The following PCSK5 variants were observed in gnomAD, a reference collection of about 807,000 sequenced individuals.
The protein encoded by PCSK5 is proprotein convertase subtilisin/kexin type 5.
Under a neutral mutation model 233.2 loss-of-function variants are expected in PCSK5, and 129 were observed. The observed-to-expected ratio is 0.55, with a 90% confidence interval of 0.48 to 0.64. The LOEUF (loss-of-function observed/expected upper bound fraction) is 0.64, where lower values mean the gene tolerates loss of function less well. Among genes scored for constraint, PCSK5 ranks in the 30% least tolerant of loss-of-function variants. PCSK5 has a pLI of 0.00. For missense variants in PCSK5, 2,076 were observed against 2,430.1 expected (o/e 0.85, Z 3.06); for synonymous variants, 825 against 879.2 (o/e 0.94, Z 1.09).
intron 2 of PCSK5, among the ~76,000 whole-genome samples, chr9:75,950,328 A>G (rs1174651676): frequency 1.3e-5 from 2 of 152,112 alleles, no homozygotes; most frequent in Admixed American, 1.3e-4. Flanking sequence ...CAACAGAGAA[A>G]CCAAAAAGAC....
intron 7 of PCSK5, among the ~76,000 whole-genome samples, chr9:76,090,879 T>G (rs908479740): frequency 6.6e-6 from 1 of 152,076 alleles, no homozygotes. Flanking sequence ...AATGGTCCCA[T>G]CTGGGGGTGA....
At chr9:76,113,380 C>T (rs1163138828) in intron 9 of PCSK5, among the ~76,000 whole-genome samples, 1 of 152,172 alleles carries the variant, frequency 6.6e-6, no homozygotes, top group East Asian at 1.9e-4. Flanking sequence ...ATTAAACTGA[C>T]CATCTGCATT....
chr9:75,933,363 T>A (rs891025018), intron 2 of PCSK5, among the ~76,000 whole-genome samples: 2 of 152,124 alleles, frequency 1.3e-5, no homozygotes, highest in Admixed American at 1.3e-4. Flanking sequence ...GGGCTCCCTG[T>A]GTATTATTGA....
intron 37 of PCSK5, among the ~76,000 whole-genome samples, chr9:76,356,461 A>G (rs186252690): frequency 4.6e-5 from 7 of 152,340 alleles, no homozygotes; most frequent in Middle Eastern, 6.8e-3. Context: ...ATGGCACCCT[A>G]GTAATTCAAA....
intron 5 of PCSK5, among the ~76,000 whole-genome samples, chr9:76,048,072 T>G (rs1173918671): frequency 6.6e-6 from 1 of 152,186 alleles, no homozygotes; most frequent in Non-Finnish European, 1.5e-5. Context: ...TTTCTTCCAT[T>G]TTTACTGATC....
chr9:75,936,164 T>A (rs549132182), intron 2 of PCSK5, among the ~76,000 whole-genome samples: 1 of 152,352 alleles, frequency 6.6e-6, no homozygotes, highest in Middle Eastern at 3.4e-3. Context: ...CATCTGAGCC[T>A]TCAGTGAGCC....
chr9:76,297,446 TGAG>T (rs1429081771), intron 27 of PCSK5, among the ~76,000 whole-genome samples: 2 of 152,264 alleles, frequency 1.3e-5, no homozygotes, highest in South Asian at 2.1e-4. Context: ...GTGAAGCTTC[TGAG>T]GAGGGAGGAG....
intron 7 of PCSK5, among the ~76,000 whole-genome samples, chr9:76,091,674 G>A (rs561201170): frequency 5.3e-5 from 8 of 152,190 alleles, no homozygotes; most frequent in African/African-American, 1.2e-4. Context: ...AATGTAAGAC[G>A]AGGAGATTGG....
At chr9:76,070,325 A>G (rs1830441551) in intron 6 of PCSK5, among the ~76,000 whole-genome samples, 2 of 152,198 alleles carry the variant, frequency 1.3e-5, no homozygotes, top group Non-Finnish European at 2.9e-5. Flanking sequence ...GAACTTGTTC[A>G]CAGCTTTCAT....
intron 27 of PCSK5, among the ~76,000 whole-genome samples, chr9:76,300,385 A>G (rs1446460531): frequency 6.6e-6 from 1 of 152,242 alleles, no homozygotes; most frequent in Non-Finnish European, 1.5e-5. Flanking sequence ...TGGGTAAGTA[A>G]TTAACTGTTT....
chr9:76,109,712 G>A (rs918440674), intron 9 of PCSK5, among the ~76,000 whole-genome samples: 8 of 152,110 alleles, frequency 5.3e-5, no homozygotes, highest in Admixed American at 1.3e-4. Context: ...TAATTGTGGG[G>A]CCAAAATGGA....
intron 9 of PCSK5, among the ~76,000 whole-genome samples, chr9:76,118,596 G>A (rs934035286): frequency 7.4e-5 from 11 of 148,106 alleles, no homozygotes; most frequent in Non-Finnish European, 2.9e-5. Context: ...ACCAGGAAGA[G>A]CAATCCCATG....
At position 76,332,463 on chromosome 9, in the gene PCSK5, G is replaced by T. The variant is rs1432340138; in HGVS notation, c.4601G>T (p.Gly1534Val). 2 of 1,612,688 alleles carry T rather than the reference G, an allele frequency of 1.2e-6. No individual in the cohort carries two copies. Among genetic ancestry groups the T allele is most frequent in the East Asian group, 2.2e-5 (1 of 44,872 alleles). Reference protein sequence around the residue: ...NTTCVKDCPEGYYADEDSNRC... With the variant: ...NTTCVKDCPEVYYADEDSNRC... Reference sequence around the variant, plus strand: ...ACCTGTGTGAAGGACTGCCCAGAGGGCTATTATGCCGATGAGGACAGCAAC... The same window carrying T: ...ACCTGTGTGAAGGACTGCCCAGAGGTCTATTATGCCGATGAGGACAGCAAC... The change falls in exon 34 of 38, where the codon GGC (glycine) becomes GTC (valine). Residue 1534 changes from glycine to valine, a missense_variant. Gly to Val is a moderately radical substitution (Grantham distance 109, BLOSUM62 -3). Coordinates refer to ENST00000674117, the MANE Select transcript of PCSK5 (RefSeq NM_001372043.1).
chr9:76,258,944 A>G (rs1167128231), intron 24 of PCSK5, among the ~76,000 whole-genome samples: 1 of 152,192 alleles, frequency 6.6e-6, no homozygotes, highest in East Asian at 1.9e-4. Context: ...CAACTGTCAC[A>G]TCATGTGCCC....
intron 20 of PCSK5, among the ~76,000 whole-genome samples, chr9:76,201,288 A>G (rs1204403222): frequency 6.6e-6 from 1 of 152,196 alleles, no homozygotes; most frequent in African/African-American, 2.4e-5. Context: ...CTAACAATGA[A>G]AACAGTAACC....
At chr9:75,946,410 T>TA (rs1824570457) in intron 2 of PCSK5, among the ~76,000 whole-genome samples, 1 of 152,202 alleles carries the variant, frequency 6.6e-6, no homozygotes, top group Non-Finnish European at 1.5e-5. Context: ...ATTTCACTTG[T>TA]AAAATCACGG....
intron 12 of PCSK5, among the ~76,000 whole-genome samples, chr9:76,161,128 C>CTTTCAAAT (rs1413601024): frequency 6.6e-6 from 1 of 152,202 alleles, no homozygotes; most frequent in Non-Finnish European, 1.5e-5. Flanking sequence ...TTGCTGTGTT[C>CTTTCAAAT]TTTCAAATCT....
At chr9:76,335,700 C>T (rs549163575) in intron 34 of PCSK5, among the ~76,000 whole-genome samples, 1 of 152,176 alleles carries the variant, frequency 6.6e-6, no homozygotes, top group African/African-American at 2.4e-5. Flanking sequence ...AATTGATAAG[C>T]TTTCTTTCCC....
At chr9:76,339,146 T>A (rs1012870033) in intron 35 of PCSK5, among the ~76,000 whole-genome samples, 2 of 152,022 alleles carry the variant, frequency 1.3e-5, no homozygotes, top group Non-Finnish European at 2.9e-5. Flanking sequence ...CCAGAGTGAT[T>A]GCCTTAAAAT....
Sources: allele counts gnomAD v4.1 joint callset (sites outside exome capture counted in the v4.1 genomes callset), GRCh38; gene constraint gnomAD v4.1.1; transcripts MANE v1.5; gene names NCBI Gene and HGNC (gene_info 2026-07-23, HGNC 2026-07-21).